PURG: variants seen among roughly 807,000 people sequenced by gnomAD.
The protein encoded by PURG is purine-rich element-binding protein gamma.
In PURG, 3 loss-of-function variants were observed where a neutral mutation model predicts 24.3. That is an observed-to-expected ratio of 0.12 (90% CI 0.06 to 0.32). The LOEUF is 0.32. PURG is among the 10% of genes least tolerant of loss of function. PURG has a pLI of 1.00. For synonymous variants in PURG, 180 were observed against 173.1 expected, an observed-to-expected ratio of 1.04 and a Z score of -0.31; for missense variants, 371 against 439.1, an observed-to-expected ratio of 0.84 and a Z score of 1.39.
chr8:31,008,196 C>G (rs1162833192), intron 1 of PURG, among the ~76,000 whole-genome samples: 1 of 152,172 alleles, frequency 6.6e-6, no homozygotes, highest in Non-Finnish European at 1.5e-5. Flanking sequence ...AGGGAACCAT[C>G]CATTTCGTGG....
intron 1 of PURG, among the ~76,000 whole-genome samples, chr8:31,013,215 G>A (rs894739136): frequency 2.0e-5 from 3 of 152,074 alleles, no homozygotes; most frequent in Admixed American, 6.5e-5. Flanking sequence ...AATAAATGGT[G>A]ATCAACAAAC....
intron 1 of PURG, among the ~76,000 whole-genome samples, chr8:31,015,032 T>C (rs1810833307): frequency 1.3e-5 from 2 of 152,226 alleles, no homozygotes; most frequent in Admixed American, 6.5e-5. Context: ...GGAGATAAGC[T>C]TTATACTTGG....
intron 1 of PURG, among the ~76,000 whole-genome samples, chr8:31,005,531 C>T (rs1488435514): frequency 6.6e-6 from 1 of 151,912 alleles, no homozygotes; most frequent in East Asian, 1.9e-4. Context: ...TGGTGATAGA[C>T]ATCTGATCAG....
intron 1 of PURG, among the ~76,000 whole-genome samples, chr8:31,001,631 A>G (rs1810538690): frequency 1.3e-5 from 2 of 152,194 alleles, no homozygotes; most frequent in Admixed American, 1.3e-4. Context: ...GGCAAAATAA[A>G]TATCTATTGA....
chr8:31,005,515 A>C (rs1182377303), intron 1 of PURG, among the ~76,000 whole-genome samples: 1 of 151,972 alleles, frequency 6.6e-6, no homozygotes, highest in Admixed American at 6.6e-5. Flanking sequence ...ACACAAAACT[A>C]ATCTGTGGTG....
chr8:30,997,005 T>C (rs1810441037), intron 1 of PURG, among the ~76,000 whole-genome samples: 1 of 151,838 alleles, frequency 6.6e-6, no homozygotes, highest in Non-Finnish European at 1.5e-5. Flanking sequence ...GACACATGAA[T>C]CAATCATGTA....
At chr8:30,998,464 AT>A in intron 1 of PURG, among the ~76,000 whole-genome samples, 1 of 151,928 alleles carries the variant, frequency 6.6e-6, no homozygotes, top group Middle Eastern at 3.4e-3. Flanking sequence ...TATCATTAAA[AT>A]ATTTTAAGGC....
At chr8:31,012,077 T>G (rs936705920) in intron 1 of PURG, among the ~76,000 whole-genome samples, 14 of 152,184 alleles carry the variant, frequency 9.2e-5, no homozygotes, top group African/African-American at 3.4e-4. Flanking sequence ...GGAACAGGAA[T>G]GCTGGTGATT....
chr8:31,013,187 T>C (rs867293434), intron 1 of PURG, among the ~76,000 whole-genome samples: 9 of 152,228 alleles, frequency 5.9e-5, no homozygotes, highest in South Asian at 2.1e-4. Context: ...TTTGGGCCTT[T>C]GAAAAAGTGA....
intron 1 of PURG, among the ~76,000 whole-genome samples, chr8:31,020,751 T>C (rs1302242489): frequency 6.6e-6 from 1 of 152,210 alleles, no homozygotes; most frequent in South Asian, 2.1e-4. Flanking sequence ...CCAGATACCC[T>C]AGTTGTTTTG....
At chr8:31,020,673 G>C (rs1422615795) in intron 1 of PURG, among the ~76,000 whole-genome samples, 1 of 152,146 alleles carries the variant, frequency 6.6e-6, no homozygotes, top group African/African-American at 2.4e-5. Flanking sequence ...TTATTAAAAA[G>C]TTGCTTGTTT....
Position 31,032,893 on chromosome 8 carries a change from C to A in PURG, c.-6-105G>T. 1.1e-6 allele frequency: 1 copy of A among 911,864 alleles called. No individual in the cohort carries two copies. The highest frequency in any genetic ancestry group is 1.4e-6 in the Non-Finnish European group (1 of 705,398). 56.5% of individuals were successfully genotyped at this position (911,864 alleles called of 1,614,324 possible). A position where few individuals can be genotyped will look rare whatever the true frequency, so the allele number is the denominator to read the frequency against. ...GCCCCGCCGCCGCCCGCGACCCCCA[C>A]GCCGGGCCCGGCTCCCCCGGCGCCG... On this transcript the variant is annotated intron_variant, in intron 1 of 1. Transcript: ENST00000523392. The surrounding 1 kb of genome is among the most constrained non-coding windows in gnomAD (Gnocchi z 5.9).
At chr8:31,027,194 A>C (rs1811107373), downstream of PURG, among the ~76,000 whole-genome samples, 1 of 151,720 alleles carries the variant, frequency 6.6e-6, no homozygotes, top group Non-Finnish European at 1.5e-5. Context: ...AGGCCGTGAT[A>C]AATATTACAC....
Position 31,032,640 on chromosome 8 carries a change from G to A in PURG, c.143C>T (p.Pro48Leu). The A allele has an allele frequency of 6.3e-7, 1 of 1,588,376 alleles. No homozygotes were observed. The highest frequency in any genetic ancestry group is 1.1e-5 in the South Asian group (1 of 87,106). Residue 48 changes from proline (P) to leucine (L), a missense_variant, in exon 2 of 2, where the codon CCT becomes CTT. Pro to Leu is a moderately conservative substitution (Grantham distance 98, BLOSUM62 -3). Transcript: ENST00000523392. The surrounding 1 kb of genome is among the most constrained non-coding windows in gnomAD (Gnocchi z 5.9). ...HYPHYAASAT[P>L]NQAGGAAEIQ... is the part of the protein sequence containing the mutation. Reference sequence around the variant, plus strand: ...TTCGGCTGCGCCCCCGGCCTGATTAGGGGTGGCTGAGGCCGCGTAGTGGGG... The same window carrying A: ...TTCGGCTGCGCCCCCGGCCTGATTAAGGGTGGCTGAGGCCGCGTAGTGGGG...
At chr8:30,998,984 A>G (rs1020294253) in intron 1 of PURG, among the ~76,000 whole-genome samples, 1 of 151,846 alleles carries the variant, frequency 6.6e-6, no homozygotes, top group African/African-American at 2.4e-5. Context: ...ATTTATATTT[A>G]TTTTTATTTT....
At chr8:31,015,589 T>G (rs927442471) in intron 1 of PURG, among the ~76,000 whole-genome samples, 11 of 151,892 alleles carry the variant, frequency 7.2e-5, no homozygotes, top group African/African-American at 1.9e-4. Flanking sequence ...ATCCAGGGAG[T>G]ATGAAACCAG....
chr8:31,007,809 T>C (rs947771104), intron 1 of PURG, among the ~76,000 whole-genome samples: 10 of 152,168 alleles, frequency 6.6e-5, no homozygotes, highest in African/African-American at 2.4e-4. Flanking sequence ...CCCTCAATCA[T>C]GCAAACAGCC....
At chr8:31,026,874 C>T (rs140563417), downstream of PURG, among the ~76,000 whole-genome samples, 8 of 151,350 alleles carry the variant, frequency 5.3e-5, no homozygotes, top group South Asian at 2.1e-4. Flanking sequence ...ATAACAAGTA[C>T]GGATTTTTTC....
chr8:31,032,623 C>A lies in PURG; in HGVS notation c.160G>T (p.Ala54Ser). The A allele has an allele frequency of 6.2e-7, 1 of 1,601,248 alleles. No individual in the cohort carries two copies. The highest frequency in any genetic ancestry group is 8.5e-7 in the Non-Finnish European group (1 of 1,172,750). The change falls in exon 2 of 2, where the codon GCA (alanine) becomes TCA (serine). Residue 54 changes from alanine to serine, a missense_variant. Coordinates refer to ENST00000523392, the MANE Select transcript of PURG (RefSeq NM_001323311.2). The surrounding 1 kb of genome is among the most constrained non-coding windows in gnomAD (Gnocchi z 5.9). ...GAGGCCAGCTCCTGGATTTCGGCTG[C>A]GCCCCCGGCCTGATTAGGGGTGGCT... Reference protein sequence around the residue: ...ASATPNQAGGAAEIQELASKR... With the variant: ...ASATPNQAGGSAEIQELASKR...
Sources: allele counts gnomAD v4.1 joint callset (sites outside exome capture counted in the v4.1 genomes callset), GRCh38; gene constraint gnomAD v4.1.1; non-coding constraint Gnocchi (gnomAD v3.1); transcripts MANE v1.5; gene names NCBI Gene and HGNC (gene_info 2026-07-23, HGNC 2026-07-21).